The following PARVA variants were observed in gnomAD, a reference collection of about 807,000 sequenced individuals.
PARVA encodes alpha-parvin.
Under a neutral mutation model 52.6 loss-of-function variants are expected in PARVA, and 25 were observed. The ratio of observed to expected loss-of-function variants is 0.48; its 90% confidence interval spans 0.35 to 0.66. The LOEUF is 0.66. PARVA is among the 30% of genes least tolerant of loss of function. The pLI, the probability that PARVA is intolerant of heterozygous loss-of-function variation, is 0.01. For synonymous variants in PARVA, 185 were observed against 179.1 expected (o/e 1.03, Z -0.26); for missense variants, 373 against 450.9 (o/e 0.83, Z 1.56).
intron 1 of PARVA, among the ~76,000 whole-genome samples, chr11:12,418,403 A>G (rs1442849907): frequency 1.3e-5 from 2 of 152,134 alleles, no homozygotes; most frequent in African/African-American, 4.8e-5. Context: ...CTCTGGATCC[A>G]GCTTCCCACT....
Position 12,517,623 on chromosome 11 carries a change from T to C in PARVA, c.881T>C (p.Val294Ala). Reference sequence around the variant, plus strand: ...CTCTTCCTCCAGTTTGCAGATGGGGTGTACCTGGTGCTGCTCATGGGGCTC... The same window carrying C: ...CTCTTCCTCCAGTTTGCAGATGGGGCGTACCTGGTGCTGCTCATGGGGCTC... ...TELETQFADGVYLVLLMGLLE... is the reference protein window; with the variant it reads ...TELETQFADGAYLVLLMGLLE... The change falls in exon 11 of 13, where the codon GTG becomes GCG. Residue 294 changes from valine to alanine, a missense_variant. Coordinates refer to ENST00000334956, the MANE Select transcript of PARVA (RefSeq NM_018222.5). 1 of 1,596,784 alleles carries C rather than the reference T, an allele frequency of 6.3e-7. No homozygotes were observed. Among genetic ancestry groups the C allele is most frequent in the Non-Finnish European group, 8.5e-7 (1 of 1,171,242 alleles).
At chr11:12,440,707 C>G (rs913530398) in intron 1 of PARVA, among the ~76,000 whole-genome samples, 2 of 152,210 alleles carry the variant, frequency 1.3e-5, no homozygotes, top group African/African-American at 4.8e-5. Context: ...ACTGGAGTCC[C>G]TATTCCCTTG....
chr11:12,491,960 C>A (rs2135055819), intron 4 of PARVA, among the ~76,000 whole-genome samples: 1 of 152,242 alleles, frequency 6.6e-6, no homozygotes, highest in South Asian at 2.1e-4. Context: ...GCATACAGAC[C>A]AAATTCTCTG....
intron 5 of PARVA, among the ~76,000 whole-genome samples, chr11:12,500,811 GA>G (rs887768391): frequency 1.4e-5 from 2 of 139,012 alleles, no homozygotes; most frequent in Admixed American, 7.4e-5. Flanking sequence ...AAAAAAGGGG[GA>G]AAAAAAACCT....
intron 1 of PARVA, among the ~76,000 whole-genome samples, chr11:12,469,907 C>T (rs2135032159): frequency 6.6e-6 from 1 of 152,290 alleles, no homozygotes; most frequent in South Asian, 2.1e-4. Context: ...TTCAGACCCA[C>T]CTTTAGGAGT....
chr11:12,504,277 G>A, intron 5 of PARVA, 37 bp from the exon 6 acceptor site: 1 of 1,188,648 alleles, frequency 8.4e-7, no homozygotes, highest in Non-Finnish European at 1.3e-6. Flanking sequence ...GAACCTGGAA[G>A]AAGATGCTGT....
In PARVA at chr11:12,430,721, G is replaced by A. The variant is rs537109008; in HGVS notation, c.137-43024G>A. On this transcript the variant is annotated intron_variant, in intron 1 of 12. Coordinates refer to ENST00000334956, the MANE Select transcript of PARVA (RefSeq NM_018222.5). The stretch of plus-strand genomic sequence containing the variant: ...AAAAGGAATAAGAAAGAGGGCCCAT[G>A]CCTGGCTATAATAGAGGATAGTTAT... Among the ~76,000 whole-genome samples the A allele has an allele frequency of 2.7e-4, 41 of 152,266 alleles. 1 individual carries two copies. Among genetic ancestry groups the A allele is most frequent in the Middle Eastern group, 6.8e-3 (2 of 294 alleles).
At chr11:12,493,927 C>G (rs1249747606) in intron 4 of PARVA, among the ~76,000 whole-genome samples, 1 of 152,208 alleles carries the variant, frequency 6.6e-6, no homozygotes, top group Non-Finnish European at 1.5e-5. Flanking sequence ...AAGAGTGTCC[C>G]CACTTCAGTT....
chr11:12,394,162 G>T lies in PARVA; in HGVS notation c.136+16379G>T, dbSNP rs145669662. On this transcript the variant is annotated intron_variant, in intron 1 of 12. Coordinates refer to ENST00000334956, the MANE Select transcript of PARVA (RefSeq NM_018222.5). The stretch of plus-strand genomic sequence containing the variant: ...ATGAGGAAGCTGAAGCAGAGAGCTT[G>T]GTTCCACGTCCAAGGCCATATTATT... 3.3e-4 allele frequency among the ~76,000 whole-genome samples: 50 copies of T among 152,230 alleles called. No homozygotes were observed. The East Asian group carries it at 8.5e-3, about 26-fold the overall frequency.
intron 3 of PARVA, among the ~76,000 whole-genome samples, chr11:12,475,942 G>C (rs938868142): frequency 6.6e-6 from 1 of 152,356 alleles, no homozygotes; most frequent in Admixed American, 6.5e-5. Context: ...TTGAGGTGCA[G>C]GCTGTGCCTG....
At chr11:12,524,300 G>GAA (rs1941674781) in intron 12 of PARVA, among the ~76,000 whole-genome samples, 1 of 152,214 alleles carries the variant, frequency 6.6e-6, no homozygotes, top group Non-Finnish European at 1.5e-5. Flanking sequence ...AACTGATTCA[G>GAA]AGAATTTAAG....
At chr11:12,486,048 A>G (rs558447642) in intron 4 of PARVA, among the ~76,000 whole-genome samples, 2 of 152,344 alleles carry the variant, frequency 1.3e-5, no homozygotes, top group African/African-American at 2.4e-5. Flanking sequence ...GAAAAAACCT[A>G]GTGAATCCAG....
intron 1 of PARVA, among the ~76,000 whole-genome samples, chr11:12,463,585 C>T (rs1025897128): frequency 1.1e-4 from 16 of 152,140 alleles, no homozygotes; most frequent in African/African-American, 3.9e-4. Flanking sequence ...TCTTGTTTTC[C>T]TGGCTGAGGT....
chr11:12,516,731 TA>T (rs1388458378), intron 10 of PARVA, among the ~76,000 whole-genome samples: 1 of 152,218 alleles, frequency 6.6e-6, no homozygotes, highest in Non-Finnish European at 1.5e-5. Flanking sequence ...GCTACATGCC[TA>T]GCAGTTTACA....
Position 12,486,731 on chromosome 11 carries a change from A to G in PARVA, c.400+8782A>G, listed in dbSNP as rs540024942. On this transcript the variant is annotated intron_variant, in intron 4 of 12. Coordinates refer to ENST00000334956, the MANE Select transcript of PARVA (RefSeq NM_018222.5). ...CATGGTGGTGGGCGCCTGTAATCCC[A>G]GCTTCTCAGGAGACTGAGGCAGGAG... Among the ~76,000 whole-genome samples, 12 of 152,244 alleles carry G rather than the reference A, an allele frequency of 7.9e-5. No homozygotes were observed. In the East Asian group the frequency reaches 1.2e-3, roughly 15 times the overall value.
At chr11:12,526,850 G>A (rs1252600901) in intron 12 of PARVA, among the ~76,000 whole-genome samples, 4 of 152,144 alleles carry the variant, frequency 2.6e-5, no homozygotes, top group Non-Finnish European at 5.9e-5. Flanking sequence ...GAGCAGAGAG[G>A]GGGTCTTGTT....
At chr11:12,386,468 T>A (rs1939573701) in intron 1 of PARVA, among the ~76,000 whole-genome samples, 1 of 151,904 alleles carries the variant, frequency 6.6e-6, no homozygotes, top group Admixed American at 6.6e-5. Context: ...ACAGGAAGAG[T>A]GAGATGCTTC....
Position 12,500,420 on chromosome 11 carries a change from G to A in PARVA, c.541+3822G>A, listed in dbSNP as rs546565993. ...GTTGAGAGGCAGCAATGATGAGGGT[G>A]CACAAATGTTCAACAGTGGGTAGAA... On this transcript the variant is annotated intron_variant, in intron 5 of 12. Transcript: ENST00000334956. Among the ~76,000 whole-genome samples, 12 of 152,288 alleles carry A rather than the reference G, an allele frequency of 7.9e-5. No individual in the cohort carries two copies. In the East Asian group the frequency reaches 2.1e-3, roughly 27 times the overall value.
At chr11:12,503,429 A>C (rs928916237) in intron 5 of PARVA, among the ~76,000 whole-genome samples, 6 of 152,134 alleles carry the variant, frequency 3.9e-5, no homozygotes, top group African/African-American at 1.4e-4. Context: ...TGGAGTGGGC[A>C]GGGACATGGG....
Sources: allele counts gnomAD v4.1 joint callset (sites outside exome capture counted in the v4.1 genomes callset), GRCh38; gene constraint gnomAD v4.1.1; transcripts MANE v1.5; gene names NCBI Gene and HGNC (gene_info 2026-07-23, HGNC 2026-07-21).